The following FOSL2 variants were observed in gnomAD, a reference collection of about 807,000 sequenced individuals.
The protein encoded by FOSL2 is FOS like 2, AP-1 transcription factor subunit, also known as fos-related antigen 2.
A neutral mutation model predicts 27.7 loss-of-function variants in FOSL2; 3 were observed. The observed-to-expected ratio is 0.11, with a 90% confidence interval of 0.05 to 0.28. FOSL2 has a LOEUF of 0.28. FOSL2 is among the 10% of genes least tolerant of loss of function. FOSL2 has a pLI of 1.00. For synonymous variants in FOSL2, 179 were observed against 190.1 expected (o/e 0.94, Z 0.48); for missense variants, 333 against 445.1 (o/e 0.75, Z 2.27).
chr2:28,408,524 T>G lies in FOSL2; in HGVS notation c.355-235T>G, dbSNP rs1664129065. On this transcript the variant is annotated intron_variant, in intron 2 of 3. Transcript: ENST00000264716. The surrounding 1 kb of genome is among the most constrained non-coding windows in gnomAD (Gnocchi z 4.1). The stretch of plus-strand genomic sequence containing the variant: ...TGCTGTCCTGTTTAAACATGGACTT[T>G]AAACTTGGACATCACCTTCCGGGGC... Among the ~76,000 whole-genome samples, 1 of 152,186 alleles carries G rather than the reference T, an allele frequency of 6.6e-6. No individual in the cohort carries two copies. The highest frequency in any genetic ancestry group is 1.5e-5 in the Non-Finnish European group (1 of 68,028).
chr2:28,393,674 G>C lies in FOSL2; in HGVS notation c.-47G>C. 1 of 1,413,782 alleles carries C rather than the reference G, an allele frequency of 7.1e-7. No homozygotes were observed. Among genetic ancestry groups the C allele is most frequent in the Non-Finnish European group, 9.7e-7 (1 of 1,026,552 alleles). 87.6% of individuals were successfully genotyped at this position (1,413,782 alleles called of 1,614,324 possible). On this transcript the variant is annotated 5_prime_UTR_variant, in exon 1 of 4. Transcript: ENST00000264716. This position sits in a 1 kb window ranked among gnomAD's most constrained non-coding sequence, Gnocchi z 4.6. Reference sequence around the variant, plus strand: ...GCCGGTGCGCGGCCGCGGCGAGGGCGGGGGAAGAAAAACACCCTGTTTCCT... The same window carrying C: ...GCCGGTGCGCGGCCGCGGCGAGGGCCGGGGAAGAAAAACACCCTGTTTCCT...
rs997663409 is a variant in FOSL2 at position 28,415,421 on chromosome 2, G to T, written c.*2973G>T. 16 of 152,190 alleles carry T rather than the reference G, an allele frequency of 1.1e-4. No homozygotes were observed. The highest frequency in any genetic ancestry group is 3.1e-4 in the African/African-American group (13 of 41,432). 9.4% of individuals were successfully genotyped at this position (152,190 alleles called of 1,614,324 possible). A position where few individuals can be genotyped will look rare whatever the true frequency, so the allele number is the denominator to read the frequency against. ...GGTTTTCAGAGTCAAACATCATTCT[G>T]CCTGTGTTGGGGGCCAGGTGTGTCA... On this transcript the variant is annotated 3_prime_UTR_variant, in exon 4 of 4. Coordinates refer to ENST00000264716, the MANE Select transcript of FOSL2 (RefSeq NM_005253.4).
At chr2:28,411,888 T>C (rs753497080) in intron 3 of FOSL2, 42 bp from the exon 4 acceptor site, 36 of 1,611,046 alleles carry the variant, frequency 2.2e-5, no homozygotes, top group Non-Finnish European at 3.1e-5. Flanking sequence ...GATTGGTCCC[T>C]GGCAGGTTGC....
chr2:28,398,278 C>A (rs1347589177), intron 1 of FOSL2, among the ~76,000 whole-genome samples: 3 of 152,198 alleles, frequency 2.0e-5, no homozygotes, highest in Non-Finnish European at 4.4e-5. Flanking sequence ...TGTTCCAAAC[C>A]CCATCTGGTA....
intron 2 of FOSL2, among the ~76,000 whole-genome samples, chr2:28,407,587 C>G (rs1664109208): frequency 6.6e-6 from 1 of 152,216 alleles, no homozygotes; most frequent in African/African-American, 2.4e-5. Flanking sequence ...TCTCCCTGCT[C>G]CTCCAAAAGT....
chr2:28,405,026 G>A (rs1187907311), intron 2 of FOSL2, among the ~76,000 whole-genome samples: 3 of 152,168 alleles, frequency 2.0e-5, no homozygotes, highest in Non-Finnish European at 4.4e-5. Flanking sequence ...TCAGCTTTGA[G>A]AAAGAATTAA....
Position 28,408,895 on chromosome 2 carries a change from C to T in FOSL2, c.462+29C>T, listed in dbSNP as rs748524217. On this transcript the variant is annotated intron_variant, in intron 3 of 3. Transcript: ENST00000264716. The surrounding 1 kb of genome is among the most constrained non-coding windows in gnomAD (Gnocchi z 4.1). ...AGGAACTCTGCGTAGGGTGGGAGCA[C>T]CTCTGGGTGGGCTGGAGTGAGAGCC... The T allele has an allele frequency of 3.9e-6, 6 of 1,525,984 alleles. No individual in the cohort carries two copies. Among genetic ancestry groups the T allele is most frequent in the Middle Eastern group, 1.8e-4 (1 of 5,636 alleles). 94.5% of individuals were successfully genotyped at this position (1,525,984 alleles called of 1,614,324 possible). A position where few individuals can be genotyped will look rare whatever the true frequency, so the allele number is the denominator to read the frequency against.
In FOSL2 at chr2:28,392,931, G is replaced by C; in HGVS notation, c.-790G>C. 9.8e-6 allele frequency: 7 copies of C among 711,312 alleles called. No individual in the cohort carries two copies. The South Asian group carries it at 1.0e-4, about 11-fold the overall frequency. The allele number at this position is 711,312 out of a possible 1,614,324, so 44.1% of individuals were successfully genotyped here. A position where few individuals can be genotyped will look rare whatever the true frequency, so the allele number is the denominator to read the frequency against. ...AGCGAGCGAACGAGCGGCGCTCGGC[G>C]GGGACAGAAAGAGGGAGAGAGAGAG... On this transcript the variant is annotated 5_prime_UTR_variant, in exon 1 of 4. Coordinates refer to ENST00000264716, the MANE Select transcript of FOSL2 (RefSeq NM_005253.4).
At chr2:28,400,326 T>C (rs1400164873) in intron 1 of FOSL2, among the ~76,000 whole-genome samples, 1 of 152,230 alleles carries the variant, frequency 6.6e-6, no homozygotes, top group African/African-American at 2.4e-5. Context: ...GTGTGACATG[T>C]GGCTGATTCT....
Position 28,412,415 on chromosome 2 carries a change from C to T in FOSL2, c.948C>T (p.Asp316=), listed in dbSNP as rs1558570857. 6.2e-7 allele frequency: 1 copy of T among 1,601,986 alleles called. No individual in the cohort carries two copies. The highest frequency in any genetic ancestry group is 8.5e-7 in the Non-Finnish European group (1 of 1,179,908). ...GTAGCAGCGGGGACCAATCATCAGA[C>T]TCCTTGAACTCCCCCACTCTGCTGG... is the stretch of plus-strand genomic sequence containing the variant. ...RSSSSGDQSS[D]SLNSPTLLAL Residue 316 remains aspartate, a synonymous_variant, in exon 4 of 4, where the codon GAC becomes GAT. Coordinates refer to ENST00000264716, the MANE Select transcript of FOSL2 (RefSeq NM_005253.4). The surrounding 1 kb of genome is among the most constrained non-coding windows in gnomAD (Gnocchi z 7.1).
chr2:28,408,684 T>G lies in FOSL2; in HGVS notation c.355-75T>G. 2 of 1,130,912 alleles carry G rather than the reference T, an allele frequency of 1.8e-6. No homozygotes were observed. The highest frequency in any genetic ancestry group is 5.5e-5 in the Admixed American group (2 of 36,106). The allele number at this position is 1,130,912 out of a possible 1,614,324, so 70.1% of individuals were successfully genotyped here. A position where few individuals can be genotyped will look rare whatever the true frequency, so the allele number is the denominator to read the frequency against. On this transcript the variant is annotated intron_variant, in intron 2 of 3. Transcript: ENST00000264716. The surrounding 1 kb of genome is among the most constrained non-coding windows in gnomAD (Gnocchi z 4.1). The stretch of plus-strand genomic sequence containing the variant: ...TTTCCAGAAGGGCTTCTTGCCTTAC[T>G]TAAAATACAGTTTTTAAAAAATACT...
intron 2 of FOSL2, among the ~76,000 whole-genome samples, chr2:28,406,111 A>G (rs1375455578): frequency 2.1e-5 from 3 of 146,034 alleles, no homozygotes; most frequent in Non-Finnish European, 4.5e-5. Context: ...GCTAGAATGC[A>G]GTGGCACGAT....
At position 28,393,640 on chromosome 2, in the gene FOSL2, C is replaced by A; in HGVS notation, c.-81C>A. On this transcript the variant is annotated 5_prime_UTR_variant, in exon 1 of 4. Transcript: ENST00000264716. The surrounding 1 kb of genome is among the most constrained non-coding windows in gnomAD (Gnocchi z 4.6). The stretch of plus-strand genomic sequence containing the variant: ...GCGGCGCGGCCGGCGGACGAACGAG[C>A]GCGCAGCAGCCGGTGCGCGGCCGCG... 9.3e-7 allele frequency: 1 copy of A among 1,070,720 alleles called. No individual in the cohort carries two copies. Among genetic ancestry groups the A allele is most frequent in the Non-Finnish European group, 1.4e-6 (1 of 729,470 alleles). 66.3% of individuals were successfully genotyped at this position (1,070,720 alleles called of 1,614,324 possible). A position where few individuals can be genotyped will look rare whatever the true frequency, so the allele number is the denominator to read the frequency against.
intron 3 of FOSL2, among the ~76,000 whole-genome samples, chr2:28,411,040 C>T (rs914931007): frequency 3.3e-5 from 5 of 151,280 alleles, no homozygotes; most frequent in South Asian, 2.1e-4. Context: ...CTCAGCTACT[C>T]GGGAGGCTGA....
At chr2:28,398,650 G>C (rs1402427759) in intron 1 of FOSL2, among the ~76,000 whole-genome samples, 1 of 152,230 alleles carries the variant, frequency 6.6e-6, no homozygotes, top group Non-Finnish European at 1.5e-5. Flanking sequence ...GCCAGGTGGA[G>C]GAGGATAGAG....
Position 28,416,298 on chromosome 2 carries a change from G to A in FOSL2, c.*3850G>A, listed in dbSNP as rs1464392989. ...CCAATGCTTGACGACATGTTCAGGA[G>A]GGGCTGGATCAAATTTTGAGAGGGT... On this transcript the variant is annotated 3_prime_UTR_variant, in exon 4 of 4. Transcript: ENST00000264716. 6.6e-6 allele frequency: 1 copy of A among 152,088 alleles called. No individual in the cohort carries two copies. Among genetic ancestry groups the A allele is most frequent in the Non-Finnish European group, 1.5e-5 (1 of 68,008 alleles). 9.4% of individuals were successfully genotyped at this position (152,088 alleles called of 1,614,324 possible). A position where few individuals can be genotyped will look rare whatever the true frequency, so the allele number is the denominator to read the frequency against.
chr2:28,396,809 C>CACACACACACACACACAA (rs1553376548), intron 1 of FOSL2: 17 of 150,408 alleles, frequency 1.1e-4, no homozygotes, highest in African/African-American at 4.2e-4. Context: ...CACACACACA[C>CACACACACACACACACAA]ACACACACAC....
rs1375705818 is a variant in FOSL2, at chr2:28,414,869, C to G, written c.*2421C>G. 2 of 152,176 alleles carry G rather than the reference C, an allele frequency of 1.3e-5. No homozygotes were observed. Among genetic ancestry groups the G allele is most frequent in the Non-Finnish European group, 2.9e-5 (2 of 68,036 alleles). 9.4% of individuals were successfully genotyped at this position (152,176 alleles called of 1,614,324 possible). ...CTGTAAGAGGACTCTGAGCTACGTG[C>G]CCTGTGAAGACCCCCAGGCTTTGTC... On this transcript the variant is annotated 3_prime_UTR_variant, in exon 4 of 4. Transcript: ENST00000264716.
At chr2:28,406,044 CTTT>C (rs10525036) in intron 2 of FOSL2, among the ~76,000 whole-genome samples, 1 of 39,694 alleles carries the variant, frequency 2.5e-5, no homozygotes, top group Non-Finnish European at 4.9e-5. Context: ...TCTCCATTCC[CTTT>C]TTTTTTTTTT....
Sources: gnomAD v4.1 joint callset for allele counts (sites outside exome capture counted in the v4.1 genomes callset) on GRCh38, gnomAD v4.1.1 for gene constraint, Gnocchi (gnomAD v3.1) non-coding constraint, MANE v1.5 for transcripts, NCBI Gene and HGNC (gene_info 2026-07-23, HGNC 2026-07-21) for gene names.